The following NPM3 variants were observed in gnomAD, a reference collection of about 807,000 sequenced individuals.
The protein encoded by NPM3 is nucleoplasmin-3.
NPM3 carries 12 observed loss-of-function variants against 18.1 expected under a neutral mutation model. The observed-to-expected ratio is 0.66, with a 90% CI of 0.42 to 1.07. NPM3 has a LOEUF of 1.07. NPM3 is among the 50% of genes least tolerant of loss of function. NPM3 has a pLI of 0.00. For synonymous variants in NPM3, 116 were observed against 93.7 expected (o/e 1.24, Z -1.38); for missense variants, 274 against 232.1 (o/e 1.18, Z -1.17).
At chr10:101,781,941 G>T in intron 4 of NPM3, 87 bp from the exon 5 acceptor site, 1 of 1,609,050 alleles carries the variant, frequency 6.2e-7, no homozygotes, top group Non-Finnish European at 8.5e-7. Context: ...CGTGGTGTTA[G>T]GCTTACAGGG....
exon 4 of NPM3, chr10:101,782,309 GGAA>G (rs1418544974): frequency 1.2e-6 from 2 of 1,613,882 alleles, no homozygotes; most frequent in African/African-American, 2.7e-5. Flanking sequence ...GACTTCAGGC[GGAA>G]GGTTACAGGT....
intron 2 of NPM3, 44 bp downstream of exon 2, chr10:101,782,795 C>A: frequency 6.2e-7 from 1 of 1,604,966 alleles, no homozygotes; most frequent in South Asian, 1.1e-5. Flanking sequence ...CCTATATTGC[C>A]TGCCTGGGCT....
exon 6 of NPM3, chr10:101,781,598 A>G: frequency 1.3e-6 from 1 of 759,908 alleles, no homozygotes; most frequent in South Asian, 1.9e-5. Context: ...GTCAGGGAAC[A>G]GGGTGCATGG....
chr10:101,781,707 C>G lies in NPM3; in HGVS notation c.*9+20G>C, dbSNP rs1263816237. On this transcript the variant is annotated intron_variant, in intron 5 of 5. Transcript: ENST00000370110. ...CTGCCCCTTCCCAGAGCCTGCTAGG[C>G]ACTTCTCCCCGCAACTCACCTAGGA... The G allele has an allele frequency of 2.5e-6, 4 of 1,611,500 alleles. No homozygotes were observed. In the Admixed American group the frequency reaches 5.1e-5, roughly 20 times the overall value.
chr10:101,782,976 C>A (rs771196197), intron 1 of NPM3, 52 bp from the exon 2 acceptor site: 1 of 1,548,174 alleles, frequency 6.5e-7, no homozygotes, highest in East Asian at 2.3e-5. Flanking sequence ...GGCTGGGCAG[C>A]GGGGGATGTC....
intron 2 of NPM3, 108 bp from the exon 3 acceptor site, chr10:101,782,705 GGCCAGGGGAGCCGCCCAT>G: frequency 6.3e-7 from 1 of 1,585,858 alleles, no homozygotes; most frequent in South Asian, 1.1e-5. Context: ...CGGTTCACCT[GGCCAGGGGAGCCGCCCAT>G]GCCGGGGGGT....
Position 101,782,245 on chromosome 10 carries a change from C to G in NPM3, c.418+13G>C. On this transcript the variant is annotated intron_variant, in intron 4 of 5. Transcript: ENST00000370110. ...CACTGGAAGCAAAGGAGAGGGCCCT[C>G]CCCTCTTCTCACCAATCTGGTGCCG... is the stretch of plus-strand genomic sequence containing the variant. 6.2e-7 allele frequency: 1 copy of G among 1,604,762 alleles called. No homozygotes were observed. The highest frequency in any genetic ancestry group is 8.5e-7 in the Non-Finnish European group (1 of 1,172,728).
Position 101,782,327 on chromosome 10 carries a change from G to A in NPM3, c.349C>T (p.Gln117Ter). 6.2e-7 allele frequency: 1 copy of A among 1,613,996 alleles called. No individual in the cohort carries two copies. The highest frequency in any genetic ancestry group is 8.5e-7 in the Non-Finnish European group (1 of 1,179,974). Reference sequence around the variant, plus strand: ...TTCAGGCGGAAGGTTACAGGTGGTTGGAGCTGGAAGTCATCCAGACTGAGC... The same window carrying A: ...TTCAGGCGGAAGGTTACAGGTGGTTAGAGCTGGAAGTCATCCAGACTGAGC... Residue 117 changes from glutamine (Q) to a stop codon, truncating the protein, a stop_gained, in exon 4 of 6, where the codon CAA (glutamine) becomes TAA (stop). Coordinates refer to ENST00000370110, the Ensembl canonical transcript of NPM3. LOFTEE classifies it high-confidence loss of function.
chr10:101,781,597 CAG>C (rs562962108), exon 6 of NPM3: 49 of 638,732 alleles, frequency 7.7e-5, no homozygotes, highest in Non-Finnish European at 1.1e-4. Context: ...TGTCAGGGAA[CAG>C]GGTGCATGGC....
intron 4 of NPM3, 114 bp from the exon 5 acceptor site, chr10:101,781,968 G>A (rs568795770): frequency 3.2e-6 from 5 of 1,548,552 alleles, no homozygotes; most frequent in South Asian, 1.1e-5. Context: ...ACCTCCCAGT[G>A]CTTATGGGCT....
At chr10:101,782,899 G>C in exon 2 of NPM3, 1 of 1,614,152 alleles carries the variant, frequency 6.2e-7, no homozygotes, top group Non-Finnish European at 8.5e-7. Flanking sequence ...AGGTGAAGGA[G>C]CGGGTGTGGC....
At chr10:101,781,738 A>G (rs2065142216) in exon 5 of NPM3, 1 of 1,613,808 alleles carries the variant, frequency 6.2e-7, no homozygotes, top group Non-Finnish European at 8.5e-7. Flanking sequence ...TAGGAGGGCT[A>G]GGGCCTGCCC....
exon 4 of NPM3, chr10:101,782,259 A>C: frequency 6.2e-7 from 1 of 1,613,278 alleles, no homozygotes; most frequent in Non-Finnish European, 8.5e-7. Flanking sequence ...TCTTCTCACC[A>C]ATCTGGTGCC....
chr10:101,782,955 CGT>C (rs1375392059), intron 1 of NPM3, 31 bp from the exon 2 acceptor site: 1 of 1,604,660 alleles, frequency 6.2e-7, no homozygotes, highest in Non-Finnish European at 8.5e-7. Flanking sequence ...TATGCCTGAG[CGT>C]GTGTACGGGG....
Position 101,782,606 on chromosome 10 carries a change from G to C in NPM3, c.205-9C>G, listed in dbSNP as rs2135012776. The stretch of plus-strand genomic sequence containing the variant: ...CCCTCGGTGAGGCAGAGCTGGGAAC[G>C]GTACACAGGGCCTCAGGGTCTCCTC... On this transcript the variant is annotated splice_polypyrimidine_tract_variant and intron_variant, in intron 2 of 5. Coordinates refer to ENST00000370110, the Ensembl canonical transcript of NPM3. 1 of 1,613,500 alleles carries C rather than the reference G, an allele frequency of 6.2e-7. No homozygotes were observed. The highest frequency in any genetic ancestry group is 8.5e-7 in the Non-Finnish European group (1 of 1,179,990).
exon 2 of NPM3, chr10:101,782,924 C>A (rs1266207296): frequency 6.2e-7 from 1 of 1,613,812 alleles, no homozygotes. Flanking sequence ...GAGCTCACAG[C>A]CTGGTAGAAA....
At chr10:101,782,734 T>C (rs1279222210) in intron 2 of NPM3, 105 bp downstream of exon 2, 2 of 1,571,600 alleles carry the variant, frequency 1.3e-6, no homozygotes, top group East Asian at 4.6e-5. Flanking sequence ...GCCGGGGGGT[T>C]AGGCTGAGGA....
intron 1 of NPM3, 89 bp downstream of exon 1, chr10:101,783,184 C>A (rs2065156611): frequency 3.8e-6 from 4 of 1,060,488 alleles, no homozygotes; most frequent in African/African-American, 1.6e-5. Context: ...TCCGCCCACA[C>A]CCACGCCTTG....
chr10:101,782,295 G>A, exon 4 of NPM3: 1 of 1,614,058 alleles, frequency 6.2e-7, no homozygotes, highest in Non-Finnish European at 8.5e-7. Flanking sequence ...CAGGGCCAGA[G>A]CCCGACTTCA....
Sources: allele counts gnomAD v4.1 joint callset, GRCh38; gene constraint gnomAD v4.1.1; transcripts MANE v1.5; gene names NCBI Gene and HGNC (gene_info 2026-07-23, HGNC 2026-07-21).